TLL1: variants seen among roughly 807,000 people sequenced by gnomAD.
TLL1 encodes tolloid like 1.
TLL1 carries 49 observed loss-of-function variants against 128.2 expected under a neutral mutation model. The ratio of observed to expected loss-of-function variants is 0.38; its 90% CI spans 0.30 to 0.48. The LOEUF (loss-of-function observed/expected upper bound fraction) is 0.48, where lower values mean the gene tolerates loss of function less well. Among genes scored for constraint, TLL1 ranks in the 20% least tolerant of loss-of-function variants. The pLI is 0.96. For synonymous variants in TLL1, 454 were observed against 418.8 expected, an observed-to-expected ratio of 1.08 and a Z score of -1.03; for missense variants, 1,123 against 1,242.0, an observed-to-expected ratio of 0.90 and a Z score of 1.44.
chr4:166,035,955 G>A (rs1738977411), intron 9 of TLL1, among the ~76,000 whole-genome samples: 1 of 152,080 alleles, frequency 6.6e-6, no homozygotes, highest in African/African-American at 2.4e-5. Context: ...TCGCCACTCT[G>A]GAAAGTTTAC....
At chr4:165,898,188 G>A (rs1310470719) in intron 1 of TLL1, among the ~76,000 whole-genome samples, 1 of 152,152 alleles carries the variant, frequency 6.6e-6, no homozygotes, top group Admixed American at 6.5e-5. Context: ...GAGACAATTT[G>A]ACTTCGTCTC....
At chr4:165,896,127 C>G (rs914974426) in intron 1 of TLL1, among the ~76,000 whole-genome samples, 2 of 152,074 alleles carry the variant, frequency 1.3e-5, no homozygotes, top group African/African-American at 4.8e-5. Context: ...GTTCCCCTCC[C>G]TGTGTCCATG....
intron 10 of TLL1, among the ~76,000 whole-genome samples, chr4:166,040,650 C>G (rs545062833): frequency 6.6e-6 from 1 of 152,254 alleles, no homozygotes; most frequent in East Asian, 1.9e-4. Context: ...ATCTGGAAAG[C>G]TGTTAGAATT....
chr4:166,009,177 C>T (rs1464761456), intron 7 of TLL1, among the ~76,000 whole-genome samples: 1 of 151,264 alleles, frequency 6.6e-6, no homozygotes, highest in Non-Finnish European at 1.5e-5. Context: ...AGTAATTTGA[C>T]CTGAAATTAA....
chr4:166,061,579 C>T (rs559411665), intron 15 of TLL1, among the ~76,000 whole-genome samples: 2 of 152,038 alleles, frequency 1.3e-5, no homozygotes, highest in East Asian at 3.9e-4. Flanking sequence ...CCTCTTAATT[C>T]TGCTTGTAGT....
At chr4:166,007,698 GT>G (rs1403927804) in intron 6 of TLL1, among the ~76,000 whole-genome samples, 1 of 151,630 alleles carries the variant, frequency 6.6e-6, no homozygotes, top group African/African-American at 2.4e-5. Flanking sequence ...ATAAAAGAAA[GT>G]ATGCTTTTTC....
chr4:165,889,276 C>G (rs936150986), intron 1 of TLL1, among the ~76,000 whole-genome samples: 7 of 152,062 alleles, frequency 4.6e-5, no homozygotes, highest in African/African-American at 1.7e-4. Context: ...CCCTAAGGTC[C>G]TCTCTGAAAA....
At chr4:166,037,150 A>G (rs1739042908) in intron 9 of TLL1, among the ~76,000 whole-genome samples, 1 of 152,176 alleles carries the variant, frequency 6.6e-6, no homozygotes, top group Non-Finnish European at 1.5e-5. Context: ...AAAATGAAAC[A>G]TAGTATCAGG....
chr4:166,074,779 T>C, intron 16 of TLL1, 99 bp from the exon 17 acceptor site: 2 of 1,445,552 alleles, frequency 1.4e-6, no homozygotes, highest in Non-Finnish European at 1.9e-6. Flanking sequence ...CATGACTTAG[T>C]TTACCCTTTG....
chr4:166,027,785 A>G (rs893120618), intron 9 of TLL1, among the ~76,000 whole-genome samples: 1 of 152,298 alleles, frequency 6.6e-6, no homozygotes, highest in East Asian at 1.9e-4. Context: ...AGGTTAATCA[A>G]ATTAAATTGT....
At chr4:166,059,948 G>T in intron 14 of TLL1, 80 bp from the exon 15 acceptor site, 1 of 1,519,718 alleles carries the variant, frequency 6.6e-7, no homozygotes. Context: ...TGAGATGTTT[G>T]GGTATTAATT....
chr4:166,079,294 C>T (rs1741180627), intron 18 of TLL1, among the ~76,000 whole-genome samples: 1 of 152,120 alleles, frequency 6.6e-6, no homozygotes, highest in Non-Finnish European at 1.5e-5. Context: ...TTCGTGGAGA[C>T]ATTTCTTTGT....
intron 1 of TLL1, chr4:165,919,701 A>G (rs1419923955): frequency 4.9e-6 from 2 of 407,270 alleles, no homozygotes; most frequent in African/African-American, 2.1e-5. Flanking sequence ...TTTCATCCCC[A>G]TTTCTTGCTG....
intron 1 of TLL1, among the ~76,000 whole-genome samples, chr4:165,910,950 T>C (rs547030204): frequency 1.7e-4 from 26 of 152,180 alleles, no homozygotes; most frequent in Non-Finnish European, 2.6e-4. Flanking sequence ...CATGTGATAT[T>C]TTGTTACATG....
rs183309771 is a variant in TLL1 at position 166,057,760 on chromosome 4, G to A, written c.1846+451G>A. Among the ~76,000 whole-genome samples, 47 of 152,200 alleles carry A rather than the reference G, an allele frequency of 3.1e-4. No individual in the cohort carries two copies. In the East Asian group the frequency reaches 6.2e-3, roughly 20 times the overall value. ...AGCGAGCCAGAAAGCATGTGCAGGG[G>A]ACTCCTTTTTGTAAAATCATCAGAT... On this transcript the variant is annotated intron_variant, in intron 14 of 20. Coordinates refer to ENST00000061240, the MANE Select transcript of TLL1 (RefSeq NM_012464.5).
chr4:165,897,519 A>G (rs1406108595), intron 1 of TLL1, among the ~76,000 whole-genome samples: 1 of 152,132 alleles, frequency 6.6e-6, no homozygotes, highest in Non-Finnish European at 1.5e-5. Flanking sequence ...CAAGTTTGTC[A>G]GAGATCAGAT....
chr4:166,094,789 C>T (rs1313429772), intron 19 of TLL1, among the ~76,000 whole-genome samples: 2 of 152,060 alleles, frequency 1.3e-5, no homozygotes, highest in Non-Finnish European at 2.9e-5. Flanking sequence ...CTGAAATACT[C>T]TTACTTATGT....
intron 15 of TLL1, among the ~76,000 whole-genome samples, chr4:166,061,999 G>C (rs1361171464): frequency 6.6e-6 from 1 of 151,970 alleles, no homozygotes; most frequent in Non-Finnish European, 1.5e-5. Flanking sequence ...TCTTGTTTTT[G>C]TCAGGTTTGT....
chr4:165,961,489 C>T (rs1004846652), intron 1 of TLL1, among the ~76,000 whole-genome samples: 4 of 152,060 alleles, frequency 2.6e-5, no homozygotes, highest in Admixed American at 2.6e-4. Context: ...CATATGGAAC[C>T]CCAAAAGAGC....
Sources: allele counts gnomAD v4.1 joint callset (sites outside exome capture counted in the v4.1 genomes callset), GRCh38; gene constraint gnomAD v4.1.1; transcripts MANE v1.5; gene names NCBI Gene and HGNC (gene_info 2026-07-23, HGNC 2026-07-21).